LARGE1: variants seen among roughly 807,000 people sequenced by gnomAD.
LARGE1 encodes the protein LARGE xylosyl- and glucuronyltransferase 1.
LARGE1 carries 43 observed loss-of-function variants against 87.6 expected under a neutral mutation model. That is an observed-to-expected ratio of 0.49 (90% CI 0.38 to 0.63). The LOEUF (loss-of-function observed/expected upper bound fraction) is 0.63. Ranked by LOEUF, LARGE1 falls within the 30% of genes least tolerant of loss-of-function variation. The probability of loss-of-function intolerance (pLI) is 0.00; values close to 1 mark genes in which losing one functional copy is unlikely to be tolerated. For missense variants in LARGE1, 802 were observed against 1,000.2 expected (o/e 0.80, Z 2.67); for synonymous variants, 434 against 394.6 (o/e 1.10, Z -1.18).
chr22:33,518,986 T>A (rs1213731126), intron 6 of LARGE1, among the ~76,000 whole-genome samples: 2 of 152,136 alleles, frequency 1.3e-5, no homozygotes, highest in East Asian at 3.9e-4. Context: ...CAGATGGAAG[T>A]CAGCTAGTTG....
At chr22:33,159,391 C>G (rs149977175), downstream of LARGE1, among the ~76,000 whole-genome samples, 821 of 152,272 alleles carry the variant, frequency 5.4e-3, 7 homozygotes, top group Non-Finnish European at 8.3e-3. Flanking sequence ...TGTTGTCACT[C>G]TCTCTTCCTC....
chr22:33,520,920 G>C (rs1365338632), intron 6 of LARGE1, among the ~76,000 whole-genome samples: 1 of 152,180 alleles, frequency 6.6e-6, no homozygotes, highest in Non-Finnish European at 1.5e-5. Context: ...GTATCTATTA[G>C]TAATAAAAAT....
chr22:33,782,696 C>G (rs935279709), intron 1 of LARGE1, among the ~76,000 whole-genome samples: 64 of 151,924 alleles, frequency 4.2e-4, no homozygotes, highest in African/African-American at 1.5e-3. Flanking sequence ...GAAACCCCGT[C>G]TCTACTAAAA....
intron 1 of LARGE1, among the ~76,000 whole-genome samples, chr22:33,895,777 C>T (rs376111530): frequency 2.6e-5 from 4 of 152,282 alleles, no homozygotes; most frequent in East Asian, 1.9e-4. Flanking sequence ...TGACATCCTT[C>T]GCCTCTGCTC....
chr22:33,918,989 G>T (rs2065865662), intron 1 of LARGE1, among the ~76,000 whole-genome samples: 1 of 150,668 alleles, frequency 6.6e-6, no homozygotes, highest in South Asian at 2.1e-4. Context: ...CACGAAAAAT[G>T]TAAGCTGCTA....
intron 6 of LARGE1, among the ~76,000 whole-genome samples, chr22:33,517,413 T>C (rs1002727714): frequency 6.6e-6 from 1 of 152,150 alleles, no homozygotes; most frequent in Non-Finnish European, 1.5e-5. Context: ...GAATTCTTTT[T>C]TTGAGACAGT....
intron 9 of LARGE1, among the ~76,000 whole-genome samples, chr22:33,368,386 T>C (rs550490506): frequency 6.6e-6 from 1 of 152,008 alleles, no homozygotes; most frequent in Non-Finnish European, 1.5e-5. Flanking sequence ...ATGCAAAAAT[T>C]AGCCAGGCGT....
intron 1 of LARGE1, among the ~76,000 whole-genome samples, chr22:33,788,339 C>T (rs2085717630): frequency 6.6e-6 from 1 of 152,180 alleles, no homozygotes; most frequent in South Asian, 2.1e-4. Context: ...GTCCATTAAA[C>T]TTATTTCCCT....
At chr22:33,773,107 C>T (rs1022763158) in intron 1 of LARGE1, among the ~76,000 whole-genome samples, 3 of 152,148 alleles carry the variant, frequency 2.0e-5, no homozygotes, top group African/African-American at 7.2e-5. Flanking sequence ...ACTTTCTCTC[C>T]TTCTCCCTGC....
chr22:33,429,595 A>G (rs938930604), intron 7 of LARGE1, among the ~76,000 whole-genome samples: 1 of 152,188 alleles, frequency 6.6e-6, no homozygotes, highest in African/African-American at 2.4e-5. Flanking sequence ...TGTTTTACGC[A>G]GGAAACCGTG....
chr22:33,435,997 C>T (rs955687187), intron 6 of LARGE1, among the ~76,000 whole-genome samples: 2 of 152,214 alleles, frequency 1.3e-5, no homozygotes, highest in African/African-American at 4.8e-5. Context: ...AGCGATGTTG[C>T]TTAGCCTCTC....
chr22:33,643,520 A>C (rs1166467749), intron 3 of LARGE1, among the ~76,000 whole-genome samples: 4 of 152,226 alleles, frequency 2.6e-5, no homozygotes, highest in Non-Finnish European at 5.9e-5. Context: ...GAAGACAAGA[A>C]ATAACTAAGA....
chr22:33,718,998 A>G (rs1420760431), intron 2 of LARGE1, among the ~76,000 whole-genome samples: 3 of 152,182 alleles, frequency 2.0e-5, no homozygotes, highest in Admixed American at 6.5e-5. Flanking sequence ...CATGTTGGCC[A>G]GGCTCATCTC....
At chr22:33,811,004 C>T (rs1208448772) in intron 1 of LARGE1, among the ~76,000 whole-genome samples, 3 of 152,004 alleles carry the variant, frequency 2.0e-5, no homozygotes, top group East Asian at 1.9e-4. Context: ...TTGTTCTATG[C>T]GAGATTTGTT....
intron 1 of LARGE1, among the ~76,000 whole-genome samples, chr22:33,913,920 T>G (rs1343876673): frequency 2.0e-5 from 3 of 152,182 alleles, no homozygotes; most frequent in Non-Finnish European, 4.4e-5. Context: ...ATCAAATAAT[T>G]TGAAATATAA....
At chr22:33,761,289 T>C in intron 2 of LARGE1, 82 bp downstream of exon 2, 1 of 1,100,826 alleles carries the variant, frequency 9.1e-7, no homozygotes, top group Non-Finnish European at 1.4e-6. Context: ...TTAGATGGCT[T>C]TGAGTTTCTT....
At chr22:33,606,270 T>C (rs1479819843) in intron 4 of LARGE1, among the ~76,000 whole-genome samples, 2 of 151,850 alleles carry the variant, frequency 1.3e-5, no homozygotes, top group Non-Finnish European at 2.9e-5. Flanking sequence ...CCTGGTGTGG[T>C]GGCACATGCC....
chr22:33,370,940 A>G (rs960045021), intron 9 of LARGE1, among the ~76,000 whole-genome samples: 1 of 150,158 alleles, frequency 6.7e-6, no homozygotes, highest in Non-Finnish European at 1.5e-5. Flanking sequence ...TGAATAATAC[A>G]TATAACATTT....
downstream of LARGE1, among the ~76,000 whole-genome samples, chr22:33,272,127 G>T (rs563709856): frequency 2.3e-4 from 35 of 152,288 alleles, no homozygotes; most frequent in East Asian, 1.9e-3. Flanking sequence ...AAATAAAAAG[G>T]CTTTAGGGAA....
Sources: gnomAD v4.1 joint callset for allele counts (sites outside exome capture counted in the v4.1 genomes callset) on GRCh38, gnomAD v4.1.1 for gene constraint, MANE v1.5 for transcripts, NCBI Gene and HGNC (gene_info 2026-07-23, HGNC 2026-07-21) for gene names.